The following RGS7 variants were observed in gnomAD, a reference collection of about 807,000 sequenced individuals.
RGS7 encodes regulator of G-protein signaling 7.
A neutral mutation model predicts 81.1 loss-of-function variants in RGS7; 27 were observed. That is an observed-to-expected ratio of 0.33 (90% CI 0.25 to 0.46). RGS7 has a LOEUF of 0.46. Ranked by LOEUF, RGS7 falls within the 20% of genes least tolerant of loss-of-function variation. The probability of loss-of-function intolerance (pLI) is 1.00; values close to 1 mark genes in which losing one functional copy is unlikely to be tolerated. For synonymous variants in RGS7, 208 were observed against 207.7 expected (o/e 1.00, Z -0.01); for missense variants, 396 against 607.4 (o/e 0.65, Z 3.66).
chr1:240,905,554 A>C (rs758284442), intron 6 of RGS7, among the ~76,000 whole-genome samples: 24 of 152,212 alleles, frequency 1.6e-4, no homozygotes, highest in Non-Finnish European at 2.4e-4. Flanking sequence ...CAAGGTGTTG[A>C]CTATTAATTG....
chr1:241,053,670 G>A (rs1558651720), intron 3 of RGS7, among the ~76,000 whole-genome samples: 1 of 152,192 alleles, frequency 6.6e-6, no homozygotes, highest in Admixed American at 6.5e-5. Flanking sequence ...GATATGGTTT[G>A]GCTGTGTCCC....
chr1:241,155,577 G>GAAAAAAAAAAAAAAAA (rs58091813), intron 2 of RGS7, among the ~76,000 whole-genome samples: 1 of 116,570 alleles, frequency 8.6e-6, no homozygotes, highest in African/African-American at 3.0e-5. Context: ...TTGAAAAAAA[G>GAAAAAAAAAAAAAAAA]AAAAAAAAAA....
intron 2 of RGS7, among the ~76,000 whole-genome samples, chr1:241,161,812 G>T (rs1254778867): frequency 6.6e-6 from 1 of 151,112 alleles, no homozygotes; most frequent in East Asian, 1.9e-4. Flanking sequence ...CCACCTCCCA[G>T]GTTCAAGCGA....
At chr1:240,987,977 T>C (rs759590585) in intron 3 of RGS7, among the ~76,000 whole-genome samples, 16 of 152,208 alleles carry the variant, frequency 1.1e-4, no homozygotes, top group Non-Finnish European at 2.1e-4. Context: ...TGCGTTTCTG[T>C]AGAAGTTTGG....
intron 3 of RGS7, among the ~76,000 whole-genome samples, chr1:241,091,144 T>G (rs2063843599): frequency 6.6e-6 from 1 of 152,164 alleles, no homozygotes; most frequent in Non-Finnish European, 1.5e-5. Context: ...TACCTTGAAG[T>G]GTTGAAAGGA....
intron 2 of RGS7, among the ~76,000 whole-genome samples, chr1:241,341,268 C>T (rs996068245): frequency 1.3e-5 from 2 of 152,122 alleles, no homozygotes; most frequent in Admixed American, 6.5e-5. Flanking sequence ...TTATCTTGAA[C>T]AATGTGAGTC....
intron 4 of RGS7, among the ~76,000 whole-genome samples, chr1:240,964,680 G>T (rs1019843175): frequency 2.6e-5 from 4 of 152,112 alleles, no homozygotes; most frequent in Non-Finnish European, 5.9e-5. Context: ...TTTATTAAAC[G>T]CATCACAGTC....
intron 6 of RGS7, among the ~76,000 whole-genome samples, chr1:240,907,899 C>T (rs261828): frequency 0.56 from 85,479 of 151,872 alleles, 24,932 homozygotes; most frequent in Middle Eastern, 0.69. Flanking sequence ...GAGTGCCGAT[C>T]CATAAAATAC....
chr1:240,873,183 C>T (rs1469572739), intron 6 of RGS7, among the ~76,000 whole-genome samples: 1 of 152,178 alleles, frequency 6.6e-6, no homozygotes, highest in Non-Finnish European at 1.5e-5. Context: ...CTATATGGTG[C>T]TAGGTATAGA....
chr1:240,854,202 G>T (rs1245631392), intron 9 of RGS7, among the ~76,000 whole-genome samples: 1 of 152,134 alleles, frequency 6.6e-6, no homozygotes, highest in African/African-American at 2.4e-5. Flanking sequence ...AATTGCACGT[G>T]CAAGATCACG....
intron 2 of RGS7, among the ~76,000 whole-genome samples, chr1:241,265,250 G>A (rs10926447): frequency 0.27 from 41,416 of 152,076 alleles, 6,314 homozygotes; most frequent in Non-Finnish European, 0.34. Flanking sequence ...TCTGTCCAGC[G>A]GCAGGTGCCA....
intron 5 of RGS7, among the ~76,000 whole-genome samples, chr1:240,931,474 T>C (rs1675429106): frequency 6.6e-6 from 1 of 152,160 alleles, no homozygotes; most frequent in Non-Finnish European, 1.5e-5. Context: ...CTTGAGGGAA[T>C]GGAGATCCCA....
intron 6 of RGS7, among the ~76,000 whole-genome samples, chr1:240,923,528 A>G (rs927165825): frequency 1.3e-5 from 2 of 152,068 alleles, no homozygotes; most frequent in African/African-American, 4.8e-5. Context: ...GCTCCCTAGA[A>G]CATGATTTTA....
chr1:240,978,495 T>A (rs538463261), intron 4 of RGS7, among the ~76,000 whole-genome samples: 2 of 152,248 alleles, frequency 1.3e-5, no homozygotes, highest in Non-Finnish European at 2.9e-5. Context: ...CGATAATAGA[T>A]ATATTCTCTA....
At chr1:241,007,026 C>T (rs1473636563) in intron 3 of RGS7, among the ~76,000 whole-genome samples, 1 of 152,136 alleles carries the variant, frequency 6.6e-6, no homozygotes. Flanking sequence ...AAGCGATTCT[C>T]CTGTCTCAGC....
chr1:241,043,209 G>T (rs989551692), intron 3 of RGS7, among the ~76,000 whole-genome samples: 2 of 151,932 alleles, frequency 1.3e-5, no homozygotes, highest in African/African-American at 4.8e-5. Context: ...CTGAATCTTT[G>T]AATATTTATT....
chr1:241,283,775 G>A (rs2078649693), intron 2 of RGS7, among the ~76,000 whole-genome samples: 1 of 151,938 alleles, frequency 6.6e-6, no homozygotes, highest in Non-Finnish European at 1.5e-5. Context: ...ATCTTTAATT[G>A]TAGTCCCACA....
chr1:241,149,331 T>C (rs940934689), intron 2 of RGS7, among the ~76,000 whole-genome samples: 1 of 152,144 alleles, frequency 6.6e-6, no homozygotes, highest in Admixed American at 6.5e-5. Context: ...CACGCCCAGA[T>C]AATGTTTTTG....
chr1:241,237,764 G>T (rs964179174), intron 2 of RGS7, among the ~76,000 whole-genome samples: 1 of 152,122 alleles, frequency 6.6e-6, no homozygotes, highest in Non-Finnish European at 1.5e-5. Flanking sequence ...TGCCTTCGAG[G>T]AAAGGTTAGG....
Sources: gnomAD v4.1 joint callset for allele counts (sites outside exome capture counted in the v4.1 genomes callset) on GRCh38, gnomAD v4.1.1 for gene constraint, MANE v1.5 for transcripts, NCBI Gene and HGNC (gene_info 2026-07-23, HGNC 2026-07-21) for gene names.